IQCE: variants seen among roughly 807,000 people sequenced by gnomAD.
IQCE encodes IQ domain-containing protein E.
IQCE carries 115 observed loss-of-function variants against 96.0 expected under a neutral mutation model. The ratio of observed to expected loss-of-function variants is 1.20; its 90% CI spans 1.03 to 1.40. The LOEUF is 1.40. Ranked by LOEUF, IQCE falls within the 40% of genes most tolerant of loss-of-function variation. The pLI is 0.00. For missense variants in IQCE, 1,041 were observed against 909.1 expected (o/e 1.15, Z -1.87); for synonymous variants, 412 against 371.2 (o/e 1.11, Z -1.26).
intron 16 of IQCE, among the ~76,000 whole-genome samples, chr7:2,597,893 C>G (rs1237326705): frequency 1.3e-5 from 2 of 152,122 alleles, no homozygotes; most frequent in Non-Finnish European, 2.9e-5. Context: ...GTCTTGAACT[C>G]CTGGGCTCAA....
chr7:2,560,374 C>G (rs551346160), intron 1 of IQCE, among the ~76,000 whole-genome samples: 3 of 152,366 alleles, frequency 2.0e-5, no homozygotes, highest in South Asian at 2.1e-4. Flanking sequence ...ACAGAGGAAG[C>G]CTTTGGAAGG....
At position 2,590,010 on chromosome 7, in the gene IQCE, G is replaced by T. The variant is rs180961841; in HGVS notation, c.1148G>T (p.Arg383Leu). Reference sequence around the variant, plus strand: ...AGCTCTGCGCTGCACAGACAGCCACGAGGGGACCGCAACAAGGACCACGAG... The same window carrying T: ...AGCTCTGCGCTGCACAGACAGCCACTAGGGGACCGCAACAAGGACCACGAG... ...ASSSALHRQPRGDRNKDHERL... is the reference protein window; with the variant it reads ...ASSSALHRQPLGDRNKDHERL... Residue 383 changes from arginine (R) to leucine (L), a missense_variant, in exon 14 of 22, where the codon CGA (arginine) becomes CTA (leucine). Arg to Leu is a moderately radical substitution (Grantham distance 102, BLOSUM62 -2). Transcript: ENST00000402050. 5,266 of 1,613,800 alleles carry T rather than the reference G, an allele frequency of 3.3e-3. 16 individuals are homozygous for T. Among genetic ancestry groups the T allele is most frequent in the Non-Finnish European group, 3.5e-3 (4,111 of 1,179,962 alleles).
At chr7:2,576,421 C>CA (rs1782127910) in intron 6 of IQCE, among the ~76,000 whole-genome samples, 1 of 148,542 alleles carries the variant, frequency 6.7e-6, no homozygotes, top group African/African-American at 2.5e-5. Flanking sequence ...CTTTTTTTTT[C>CA]TTTTTTTTTG....
In IQCE at chr7:2,598,279, C is replaced by T. The variant is rs997716246; in HGVS notation, c.1441-186C>T. Reference sequence around the variant, plus strand: ...GTGTGCTCGCCTAGACGCTGTCTCTCAGCAGTACAAGAGACCGCTGTCATG... The same window carrying T: ...GTGTGCTCGCCTAGACGCTGTCTCTTAGCAGTACAAGAGACCGCTGTCATG... On this transcript the variant is annotated intron_variant, in intron 16 of 21. Transcript: ENST00000402050. 17 of 537,714 alleles carry T rather than the reference C, an allele frequency of 3.2e-5. No individual in the cohort carries two copies. The South Asian group carries it at 3.9e-4, about 12-fold the overall frequency. The allele number at this position is 537,714 out of a possible 1,614,324, so 33.3% of individuals were successfully genotyped here. A position where few individuals can be genotyped will look rare whatever the true frequency, so the allele number is the denominator to read the frequency against.
At chr7:2,570,147 G>A (rs1436692545) in intron 3 of IQCE, among the ~76,000 whole-genome samples, 1 of 152,094 alleles carries the variant, frequency 6.6e-6, no homozygotes, top group Non-Finnish European at 1.5e-5. Flanking sequence ...ACGTTCCGAG[G>A]CTTTTCATCG....
At position 2,578,583 on chromosome 7, in the gene IQCE, G is replaced by A. The variant is rs983108627; in HGVS notation, c.630+57G>A. On this transcript the variant is annotated intron_variant, in intron 8 of 21. Coordinates refer to ENST00000402050, the MANE Select transcript of IQCE (RefSeq NM_152558.5). ...CCCCAGACGCTAGTTACTGGGGACA[G>A]CCACAGAGGGACGCCTTTCCCTGCA... 7.6e-6 allele frequency: 12 copies of A among 1,578,640 alleles called. No homozygotes were observed. In the African/African-American group the frequency reaches 1.3e-4, roughly 18 times the overall value.
chr7:2,608,425 G>A (rs969861802), intron 21 of IQCE, among the ~76,000 whole-genome samples: 4 of 152,352 alleles, frequency 2.6e-5, no homozygotes, highest in Middle Eastern at 3.4e-3. Flanking sequence ...GAAATACCAC[G>A]TATGAAATCA....
intron 12 of IQCE, 132 bp downstream of exon 12, chr7:2,586,503 C>A: frequency 2.1e-6 from 2 of 967,644 alleles, no homozygotes; most frequent in Non-Finnish European, 3.0e-6. Context: ...AACGCCAGTT[C>A]CCACATGTGC....
At chr7:2,588,840 A>AT (rs1562654991) in intron 13 of IQCE, among the ~76,000 whole-genome samples, 2 of 150,694 alleles carry the variant, frequency 1.3e-5, no homozygotes, top group African/African-American at 2.4e-5. Flanking sequence ...TAATTTTTGT[A>AT]TTTTTAGTAG....
chr7:2,559,740 G>A (rs1258727295), intron 1 of IQCE, among the ~76,000 whole-genome samples: 7 of 124,492 alleles, frequency 5.6e-5, no homozygotes, highest in Non-Finnish European at 8.0e-5. Context: ...GTGTGTTAGA[G>A]ACACGGGAAT....
chr7:2,586,927 G>A lies in IQCE; in HGVS notation c.988+556G>A, dbSNP rs116560897. On this transcript the variant is annotated intron_variant, in intron 12 of 21. Coordinates refer to ENST00000402050, the MANE Select transcript of IQCE (RefSeq NM_152558.5). ...GCTGTGGGAGTGTTAGGCAGAGGGT[G>A]GAGGGGGGCCGTGCTGCTTCCCGAG... Among the ~76,000 whole-genome samples the A allele has an allele frequency of 6.5e-3, 984 of 152,330 alleles. 13 individuals are homozygous for A. The highest frequency in any genetic ancestry group is 0.022 in the African/African-American group (921 of 41,580).
Position 2,586,350 on chromosome 7 carries a change from C to T in IQCE, c.967C>T (p.Pro323Ser), listed in dbSNP as rs569845935. Residue 323 changes from proline (P) to serine (S), a missense_variant, in exon 12 of 22, where the codon CCA (proline) becomes TCA (serine). Pro to Ser is a moderately conservative substitution (Grantham distance 74). Coordinates refer to ENST00000402050, the MANE Select transcript of IQCE (RefSeq NM_152558.5). Reference sequence around the variant, plus strand: ...CCTGGACCGCGTGCTGAGCACCTCCCCAACCATCTCCAAGACACAGGGTAC... The same window carrying T: ...CCTGGACCGCGTGCTGAGCACCTCCTCAACCATCTCCAAGACACAGGGTAC... Reference protein sequence around the residue: ...EDLDRVLSTSPTISKTQGYVE... With the variant: ...EDLDRVLSTSSTISKTQGYVE... 6 of 1,612,708 alleles carry T rather than the reference C, an allele frequency of 3.7e-6. No individual in the cohort carries two copies. Among genetic ancestry groups the T allele is most frequent in the South Asian group, 3.3e-5 (3 of 90,958 alleles).
chr7:2,579,707 G>A (rs1782507896), intron 8 of IQCE, among the ~76,000 whole-genome samples: 3 of 122,772 alleles, frequency 2.4e-5, no homozygotes, highest in Admixed American at 1.6e-4. Flanking sequence ...GGTGGTGTGT[G>A]TGTGTGTGTG....
rs78049930 is a variant in IQCE at position 2,607,171 on chromosome 7, C to A, written c.1913C>A (p.Ser638Ter). ...ACCGCAGCTTCTACCAGGAGGAGATCGGCTTCAGCCACACACGGGGACGCC... is the reference window on the plus strand; with the variant it reads ...ACCGCAGCTTCTACCAGGAGGAGATAGGCTTCAGCCACACACGGGGACGCC... Reference protein sequence around the residue: ...TTTAASTRRRSASATHGDASS... With the variant: ...TTTAASTRRR Residue 638 changes from serine to a stop codon, truncating the protein, a stop_gained, in exon 21 of 22, where the codon TCG becomes TAG. Transcript: ENST00000402050. LOFTEE classifies it high-confidence loss of function. The A allele has an allele frequency of 6.2e-7, 1 of 1,612,522 alleles. No individual in the cohort carries two copies. Among genetic ancestry groups the A allele is most frequent in the Non-Finnish European group, 8.5e-7 (1 of 1,179,370 alleles).
At chr7:2,582,685 C>A in intron 9 of IQCE, 35 bp downstream of exon 9, 1 of 1,589,116 alleles carries the variant, frequency 6.3e-7, no homozygotes. Flanking sequence ...CCCTGCCTTC[C>A]GCCCCGTGTT....
At chr7:2,603,480 C>T (rs1784576432) in intron 18 of IQCE, among the ~76,000 whole-genome samples, 1 of 150,182 alleles carries the variant, frequency 6.7e-6, no homozygotes, top group Admixed American at 6.6e-5. Flanking sequence ...TGCTTCTCTC[C>T]CTGGCGCCCC....
intron 18 of IQCE, among the ~76,000 whole-genome samples, chr7:2,603,492 C>T (rs568231860): frequency 1.2e-3 from 178 of 152,274 alleles, no homozygotes; most frequent in African/African-American, 4.2e-3. Flanking sequence ...TGGCGCCCCC[C>T]ATGCCTCAGG....
chr7:2,595,583 C>T (rs1404988568), intron 16 of IQCE, among the ~76,000 whole-genome samples: 1 of 152,202 alleles, frequency 6.6e-6, no homozygotes, highest in Non-Finnish European at 1.5e-5. Flanking sequence ...CTAGTCGCGG[C>T]GGCGTCTCTG....
At chr7:2,581,175 A>G (rs984186570) in intron 8 of IQCE, among the ~76,000 whole-genome samples, 5 of 152,018 alleles carry the variant, frequency 3.3e-5, no homozygotes, top group African/African-American at 1.2e-4. Context: ...AGGAAAATGT[A>G]TTCATCTATG....
Sources: allele counts gnomAD v4.1 joint callset (sites outside exome capture counted in the v4.1 genomes callset), GRCh38; gene constraint gnomAD v4.1.1; transcripts MANE v1.5; gene names NCBI Gene and HGNC (gene_info 2026-07-23, HGNC 2026-07-21).